Variants in RYR2 observed in about 807,000 individuals in gnomAD.
RYR2 encodes the protein ryanodine receptor 2.
RYR2 carries 227 observed loss-of-function variants against 601.1 expected under a neutral mutation model. The observed-to-expected ratio is 0.38, with a 90% CI of 0.34 to 0.42. The LOEUF (loss-of-function observed/expected upper bound fraction) is 0.42. RYR2 is among the 10% of genes least tolerant of loss of function. RYR2 has a pLI of 1.00. For synonymous variants in RYR2, 2,223 were observed against 2,175.1 expected (o/e 1.02, Z -0.61); for missense variants, 4,646 against 6,156.5 (o/e 0.75, Z 8.21).
chr1:237,584,522 C>T (rs1674289478), intron 29 of RYR2, among the ~76,000 whole-genome samples: 1 of 152,004 alleles, frequency 6.6e-6, no homozygotes, highest in South Asian at 2.1e-4. Context: ...AGAACAGTTC[C>T]TGGCACATGG....
At chr1:237,558,734 A>G (rs1671158712) in intron 27 of RYR2, among the ~76,000 whole-genome samples, 1 of 151,890 alleles carries the variant, frequency 6.6e-6, no homozygotes, top group African/African-American at 2.4e-5. Context: ...GATTTCCATT[A>G]TGTGTATGTT....
chr1:237,125,760 G>T (rs998335882), intron 1 of RYR2, among the ~76,000 whole-genome samples: 1 of 151,994 alleles, frequency 6.6e-6, no homozygotes, highest in Non-Finnish European at 1.5e-5. Flanking sequence ...TGCCTATTTT[G>T]GTTTTATTTA....
intron 1 of RYR2, among the ~76,000 whole-genome samples, chr1:237,147,521 G>C (rs1674153299): frequency 6.6e-6 from 1 of 152,088 alleles, no homozygotes; most frequent in African/African-American, 2.4e-5. Flanking sequence ...TGACCATTTT[G>C]TATCTTCAGT....
intron 1 of RYR2, among the ~76,000 whole-genome samples, chr1:237,142,732 A>C (rs891916597): frequency 1.3e-5 from 2 of 152,198 alleles, no homozygotes; most frequent in Non-Finnish European, 1.5e-5. Flanking sequence ...AGGGACCGCT[A>C]AGCCCTAGAG....
At chr1:237,183,628 G>GA (rs1435478430) in intron 1 of RYR2, among the ~76,000 whole-genome samples, 2 of 152,196 alleles carry the variant, frequency 1.3e-5, no homozygotes, top group Non-Finnish European at 2.9e-5. Context: ...ACATAGAAAT[G>GA]AGTTTTGGGG....
intron 103 of RYR2, 144 bp from the exon 104 acceptor site, chr1:237,831,370 C>T: frequency 1.7e-6 from 1 of 574,022 alleles, no homozygotes; most frequent in Non-Finnish European, 3.1e-6. Flanking sequence ...CTTTCTGGTA[C>T]ACTAATTTTT....
At chr1:237,759,682 A>C in intron 82 of RYR2, 94 bp from the exon 83 acceptor site, 1 of 793,158 alleles carries the variant, frequency 1.3e-6, no homozygotes, top group Non-Finnish European at 2.3e-6. Context: ...TTTTCTGTCT[A>C]TTCTAGAATG....
chr1:237,072,502 TAGTG>T (rs1446630157), intron 1 of RYR2, among the ~76,000 whole-genome samples: 1 of 152,142 alleles, frequency 6.6e-6, no homozygotes, highest in African/African-American at 2.4e-5. Context: ...ATTTTTTCTT[TAGTG>T]CACCAACCAG....
At chr1:237,827,676 C>T (rs1348131870) in intron 101 of RYR2, among the ~76,000 whole-genome samples, 2 of 147,836 alleles carry the variant, frequency 1.4e-5, no homozygotes, top group East Asian at 2.0e-4. Flanking sequence ...TGGTGGCTCA[C>T]GCCTGTAATC....
At chr1:237,319,411 A>T (rs1435444578) in intron 2 of RYR2, among the ~76,000 whole-genome samples, 1 of 152,136 alleles carries the variant, frequency 6.6e-6, no homozygotes, top group Non-Finnish European at 1.5e-5. Flanking sequence ...TTTAGATAAT[A>T]TAACAACCCT....
At chr1:237,815,823 C>T (rs375447406) in intron 100 of RYR2, among the ~76,000 whole-genome samples, 7 of 152,114 alleles carry the variant, frequency 4.6e-5, no homozygotes, top group Non-Finnish European at 8.8e-5. Context: ...GCCTGATGTA[C>T]GAGTCAGAAT....
chr1:237,183,487 T>C (rs1679010028), intron 1 of RYR2, among the ~76,000 whole-genome samples: 1 of 152,192 alleles, frequency 6.6e-6, no homozygotes, highest in Non-Finnish European at 1.5e-5. Context: ...AGTGACCTTT[T>C]GATAGTAGCT....
At chr1:237,592,988 C>A (rs1181991244) in intron 32 of RYR2, among the ~76,000 whole-genome samples, 4 of 150,040 alleles carry the variant, frequency 2.7e-5, no homozygotes, top group Non-Finnish European at 5.9e-5. Context: ...ACCACTACAC[C>A]CCAGCCTGGG....
chr1:237,798,109 C>G lies in RYR2; in HGVS notation c.14029C>G (p.Leu4677Val), dbSNP rs112864477. The change falls in exon 97 of 105, where the codon CTG (leucine) becomes GTG (valine). Residue 4677 changes from leucine (L) to valine (V), a missense_variant. Physicochemically the swap from Leu to Val is conservative, Grantham distance 32 (BLOSUM62 1). Around this residue, in one of 17 missense-constraint regions of RYR2, gnomAD observed 76 missense variants for 97.4 expected, o/e 0.78. Transcript: ENST00000366574. ...SELLGMDKAALDFSDAREKKK... is the reference protein window; with the variant it reads ...SELLGMDKAAVDFSDAREKKK... Reference sequence around the variant, plus strand: ...ATTACTTGGCATGGACAAGGCAGCTCTGGACTTCAGTGATGCCAGAGAAAA... The same window carrying G: ...ATTACTTGGCATGGACAAGGCAGCTGTGGACTTCAGTGATGCCAGAGAAAA... 1.9e-6 allele frequency: 3 copies of G among 1,612,058 alleles called. No homozygotes were observed. Among genetic ancestry groups the G allele is most frequent in the Non-Finnish European group, 2.5e-6 (3 of 1,179,064 alleles).
Position 237,569,268 on chromosome 1 carries a change from C to G in RYR2, c.3547C>G (p.Leu1183Val). Residue 1183 changes from leucine to valine, a missense_variant, in exon 29 of 105, where the codon CTT becomes GTT. Physicochemically the swap from Leu to Val is conservative, Grantham distance 32. Coordinates refer to ENST00000366574, the MANE Select transcript of RYR2 (RefSeq NM_001035.3). ...MMFTLNGEILLDDSGSELAFK... is the reference protein window; with the variant it reads ...MMFTLNGEILVDDSGSELAFK... ...GTTCACACTGAATGGTGAAATCCTT[C>G]TTGATGATTCAGGCTCAGAACTGGC... 6.2e-7 allele frequency: 1 copy of G among 1,613,878 alleles called. No homozygotes were observed. The highest frequency in any genetic ancestry group is 8.5e-7 in the Non-Finnish European group (1 of 1,179,856).
At chr1:237,467,915 G>A (rs933447920) in intron 16 of RYR2, among the ~76,000 whole-genome samples, 2 of 147,826 alleles carry the variant, frequency 1.4e-5, no homozygotes, top group Admixed American at 6.9e-5. Flanking sequence ...CTGGAGTGCG[G>A]TGGCACGATC....
chr1:237,390,268 A>G (rs1479295883), intron 10 of RYR2, among the ~76,000 whole-genome samples: 1 of 150,736 alleles, frequency 6.6e-6, no homozygotes, highest in East Asian at 1.9e-4. Flanking sequence ...ATCTACAGAC[A>G]CTGTAGAGCT....
chr1:237,330,304 G>A (rs545511371), intron 2 of RYR2, among the ~76,000 whole-genome samples: 50 of 152,336 alleles, frequency 3.3e-4, no homozygotes, highest in African/African-American at 9.9e-4. Context: ...AGGGCAATGC[G>A]TATCAGAGTA....
chr1:237,430,085 T>G (rs1436867417), intron 12 of RYR2, among the ~76,000 whole-genome samples: 1 of 150,500 alleles, frequency 6.6e-6, no homozygotes, highest in Non-Finnish European at 1.5e-5. Context: ...TATTTCCAGA[T>G]CAATATATAT....
Sources: allele counts gnomAD v4.1 joint callset (sites outside exome capture counted in the v4.1 genomes callset), GRCh38; gene constraint gnomAD v4.1.1; regional missense constraint gnomAD v4.1.1; transcripts MANE v1.5; gene names NCBI Gene and HGNC (gene_info 2026-07-23, HGNC 2026-07-21).